Variants in STARD6 observed in about 807,000 individuals in gnomAD.
The protein encoded by STARD6 is StAR related lipid transfer domain containing 6, also known as stAR-related lipid transfer protein 6.
STARD6 carries 21 observed loss-of-function variants against 22.3 expected under a neutral mutation model. That is an observed-to-expected ratio of 0.94 (90% CI 0.67 to 1.35). The LOEUF is 1.35. Among genes scored for constraint, STARD6 ranks in the 40% most tolerant of loss-of-function variants. STARD6 has a pLI of 0.00. For synonymous variants in STARD6, 80 were observed against 88.1 expected, an observed-to-expected ratio of 0.91 and a Z score of 0.52; for missense variants, 269 against 266.9, an observed-to-expected ratio of 1.01 and a Z score of -0.05.
intron 1 of STARD6, among the ~76,000 whole-genome samples, chr18:54,357,355 T>C (rs549469180): frequency 2.6e-4 from 40 of 152,272 alleles, no homozygotes; most frequent in Admixed American, 2.4e-3. Context: ...AGGAGTTTGT[T>C]AAATCCCATC....
At chr18:54,353,688 C>G (rs2089117859) in intron 4 of STARD6, among the ~76,000 whole-genome samples, 2 of 152,134 alleles carry the variant, frequency 1.3e-5, no homozygotes, top group African/African-American at 4.8e-5. Context: ...AAGAAATACA[C>G]TTTACTTGTT....
intron 7 of STARD6, among the ~76,000 whole-genome samples, chr18:54,328,493 C>T (rs1430886538): frequency 2.6e-5 from 4 of 152,134 alleles, no homozygotes; most frequent in African/African-American, 9.7e-5. Flanking sequence ...GTAGAAAGAC[C>T]ATACATTGTT....
chr18:54,345,194 C>G (rs1230941079), intron 4 of STARD6, among the ~76,000 whole-genome samples: 1 of 151,976 alleles, frequency 6.6e-6, no homozygotes, highest in Non-Finnish European at 1.5e-5. Flanking sequence ...CTTCAGGATA[C>G]AAGATCAATA....
intron 4 of STARD6, among the ~76,000 whole-genome samples, chr18:54,343,459 A>G (rs2089001122): frequency 8.1e-6 from 1 of 123,378 alleles, no homozygotes; most frequent in Non-Finnish European, 1.7e-5. Flanking sequence ...CCGGTCTGGG[A>G]GGTGAGGGGC....
intron 5 of STARD6, among the ~76,000 whole-genome samples, chr18:54,335,386 C>T (rs893700343): frequency 1.3e-5 from 2 of 151,750 alleles, no homozygotes; most frequent in Non-Finnish European, 2.9e-5. Flanking sequence ...AGTAGAATCG[C>T]GGTCACCATA....
chr18:54,343,680 C>T (rs1268385663), intron 4 of STARD6, among the ~76,000 whole-genome samples: 20 of 30,026 alleles, frequency 6.7e-4, no homozygotes, highest in African/African-American at 2.9e-3. Context: ...GTGGGGGGGT[C>T]GGCCCCCCGC....
chr18:54,328,961 A>T (rs2144665415), intron 7 of STARD6, among the ~76,000 whole-genome samples: 1 of 152,286 alleles, frequency 6.6e-6, no homozygotes, highest in Middle Eastern at 3.4e-3. Context: ...TCAAAGTAAA[A>T]CATTCATTAC....
chr18:54,351,720 A>T (rs2089097892), intron 4 of STARD6, among the ~76,000 whole-genome samples: 1 of 151,968 alleles, frequency 6.6e-6, no homozygotes, highest in African/African-American at 2.4e-5. Context: ...TTTTGTTTTT[A>T]ATTTTGGTTA....
chr18:54,336,824 T>C (rs1014754492), intron 5 of STARD6, among the ~76,000 whole-genome samples: 1 of 152,250 alleles, frequency 6.6e-6, no homozygotes, highest in African/African-American at 2.4e-5. Flanking sequence ...TAAGGCATAC[T>C]TAACCTTTGT....
intron 5 of STARD6, among the ~76,000 whole-genome samples, chr18:54,332,467 T>C (rs912961204): frequency 1.3e-5 from 2 of 152,154 alleles, no homozygotes; most frequent in South Asian, 4.1e-4. Flanking sequence ...TGGTGGCCCA[T>C]GGAATCATTC....
At chr18:54,345,175 C>G (rs1358163404) in intron 4 of STARD6, among the ~76,000 whole-genome samples, 1 of 151,816 alleles carries the variant, frequency 6.6e-6, no homozygotes, top group Non-Finnish European at 1.5e-5. Flanking sequence ...ACTAAGAAGT[C>G]CAGTAAAGCT....
chr18:54,334,779 A>C (rs2088894173), intron 5 of STARD6, among the ~76,000 whole-genome samples: 1 of 151,912 alleles, frequency 6.6e-6, no homozygotes, highest in Admixed American at 6.6e-5. Context: ...ACTTATTCTT[A>C]CCAGTCCTAG....
chr18:54,328,389 C>A (rs1449673316), intron 7 of STARD6, among the ~76,000 whole-genome samples: 1 of 152,180 alleles, frequency 6.6e-6, no homozygotes, highest in Non-Finnish European at 1.5e-5. Context: ...AGTTGATTTA[C>A]CTTGCTGAAT....
At chr18:54,345,093 G>C (rs966108489) in intron 4 of STARD6, among the ~76,000 whole-genome samples, 5 of 151,904 alleles carry the variant, frequency 3.3e-5, no homozygotes, top group African/African-American at 1.2e-4. Flanking sequence ...AGATTGAAAA[G>C]GAAGAAGTAA....
intron 4 of STARD6, among the ~76,000 whole-genome samples, chr18:54,339,993 C>T (rs1191747297): frequency 6.6e-6 from 1 of 151,854 alleles, no homozygotes; most frequent in African/African-American, 2.4e-5. Context: ...AAAATAACAG[C>T]AGATAGTAAC....
At chr18:54,338,031 C>T (rs143452138) in intron 4 of STARD6, among the ~76,000 whole-genome samples, 32 of 152,288 alleles carry the variant, frequency 2.1e-4, no homozygotes, top group Admixed American at 3.3e-4. Context: ...GCTCTGCCTA[C>T]TCAGTACCAG....
intron 4 of STARD6, among the ~76,000 whole-genome samples, chr18:54,339,479 TAAA>T (rs34972454): frequency 7.1e-6 from 1 of 141,842 alleles, no homozygotes. Flanking sequence ...TGAAAGCAGT[TAAA>T]AAAAAAAAAG....
In STARD6 at chr18:54,331,841, TA is replaced by T; in HGVS notation, c.285del (p.His95GlnfsTer20). 1 of 1,610,052 alleles carries T rather than the reference TA, an allele frequency of 6.2e-7. No homozygotes were observed. The highest frequency in any genetic ancestry group is 1.1e-5 in the South Asian group (1 of 90,652). On this transcript the variant is annotated frameshift_variant, in exon 6 of 8. Coordinates refer to ENST00000307844, the MANE Select transcript of STARD6 (RefSeq NM_139171.2). ...HRIDSDTFICHTITQSFAVGS... is the reference protein window; with the variant it reads ...HRIDSDTFICXTITQSFAVGS... ...CCCACGGCAAAACTTTGTGTAATGG[TA>T]TGACATATGAATGTGTCCTGCAACA... is the stretch of plus-strand genomic sequence containing the variant.
intron 4 of STARD6, among the ~76,000 whole-genome samples, 182 bp from the exon 5 acceptor site, chr18:54,337,433 T>G (rs896210699): frequency 6.6e-6 from 1 of 152,226 alleles, no homozygotes; most frequent in East Asian, 1.9e-4. Flanking sequence ...TATTTAAATA[T>G]GCACTGCAAT....
Sources: allele counts gnomAD v4.1 joint callset (sites outside exome capture counted in the v4.1 genomes callset), GRCh38; gene constraint gnomAD v4.1.1; transcripts MANE v1.5; gene names NCBI Gene and HGNC (gene_info 2026-07-23, HGNC 2026-07-21).